The following SEZ6L2 variants were observed in gnomAD, a reference collection of about 807,000 sequenced individuals.
SEZ6L2 encodes seizure related 6 homolog like 2, also known as seizure 6-like protein 2.
A neutral mutation model predicts 97.0 loss-of-function variants in SEZ6L2; 44 were observed. The observed-to-expected ratio is 0.45, with a 90% CI of 0.36 to 0.58. The LOEUF (loss-of-function observed/expected upper bound fraction) is 0.58, where lower values mean the gene tolerates loss of function less well. SEZ6L2 is among the 20% of genes least tolerant of loss of function. The pLI, the probability that SEZ6L2 is intolerant of heterozygous loss-of-function variation, is 0.00. For missense variants in SEZ6L2, 1,086 were observed against 1,233.3 expected (o/e 0.88, Z 1.79); for synonymous variants, 543 against 546.1 (o/e 0.99, Z 0.08).
At position 29,895,759 on chromosome 16, in the gene SEZ6L2, TG is replaced by T; in HGVS notation, c.612del (p.Tyr204Ter). 2 of 1,614,156 alleles carry T rather than the reference TG, an allele frequency of 1.2e-6. No individual in the cohort carries two copies. The highest frequency in any genetic ancestry group is 1.7e-6 in the Non-Finnish European group (2 of 1,180,008). ...CCGTAGCCAGGGTAGACATGGATGCTGTAAGTGCAGTCCAGGAGCCCCAGGG... is the reference window on the plus strand; with the variant it reads ...CCGTAGCCAGGGTAGACATGGATGCTTAAGTGCAGTCCAGGAGCCCCAGGG... ...SRTLGLLDCT[Y>X]SIHVYPGYGI... is the part of the protein sequence containing the mutation. On this transcript the variant is annotated frameshift_variant, in exon 4 of 18. Coordinates refer to ENST00000617533, the MANE Select transcript of SEZ6L2 (RefSeq NM_001243332.2). LOFTEE classifies it high-confidence loss of function.
In SEZ6L2 at chr16:29,876,447, A is replaced by C. The variant is rs2067904783; in HGVS notation, c.2104+309T>G. Among the ~76,000 whole-genome samples the C allele has an allele frequency of 6.6e-6, 1 of 151,934 alleles. No individual in the cohort carries two copies. The highest frequency in any genetic ancestry group is 1.5e-5 in the Non-Finnish European group (1 of 67,980). ...TTTAGGGGCCAAACTCAGATGCCGC[A>C]GAGGAGGGGTCAGGAGGGGACGGGG... is the stretch of plus-strand genomic sequence containing the variant. On this transcript the variant is annotated intron_variant, in intron 12 of 17. Transcript: ENST00000617533. The surrounding 1 kb of genome is among the most constrained non-coding windows in gnomAD (Gnocchi z 6.5).
intron 9 of SEZ6L2, 64 bp from the exon 10 acceptor site, chr16:29,878,489 T>G (rs1377630039): frequency 6.8e-7 from 1 of 1,471,126 alleles, no homozygotes; most frequent in Non-Finnish European, 9.1e-7. Flanking sequence ...TTCTCCACAG[T>G]CCTCACCACT....
At chr16:29,883,344 T>C in intron 8 of SEZ6L2, among the ~76,000 whole-genome samples, 1 of 152,136 alleles carries the variant, frequency 6.6e-6, no homozygotes, top group Non-Finnish European at 1.5e-5. Context: ...TCTTGCTCTG[T>C]TGCCCAGGCT....
At chr16:29,883,267 C>T (rs769383593) in intron 8 of SEZ6L2, among the ~76,000 whole-genome samples, 12 of 151,828 alleles carry the variant, frequency 7.9e-5, no homozygotes, top group Non-Finnish European at 1.3e-4. Flanking sequence ...AGGCATTTCC[C>T]TACTTGCTGT....
At chr16:29,878,593 T>A (rs751971670) in intron 9 of SEZ6L2, among the ~76,000 whole-genome samples, 168 bp from the exon 10 acceptor site, 33 of 151,930 alleles carry the variant, frequency 2.2e-4, no homozygotes, top group Non-Finnish European at 5.9e-5. Context: ...TATTTATTTT[T>A]AAATTTTTTT....
chr16:29,898,085 C>A, intron 1 of SEZ6L2, 101 bp from the exon 2 acceptor site: 1 of 1,530,944 alleles, frequency 6.5e-7, no homozygotes, highest in Non-Finnish European at 8.8e-7. Flanking sequence ...ATCAGCTGGG[C>A]CTGCAGGGGC....
At chr16:29,897,628 TGAC>T (rs1220682123) in intron 2 of SEZ6L2, among the ~76,000 whole-genome samples, 3 of 62,546 alleles carry the variant, frequency 4.8e-5, no homozygotes, top group Non-Finnish European at 1.0e-4. Context: ...TTTTTCTGTC[TGAC>T]TGTCACCTAA....
At chr16:29,893,425 T>C (rs1467848669) in intron 5 of SEZ6L2, among the ~76,000 whole-genome samples, 2 of 151,884 alleles carry the variant, frequency 1.3e-5, no homozygotes, top group Non-Finnish European at 2.9e-5. Context: ...GGCGGGTGGA[T>C]CACTTGAGGT....
At chr16:29,885,776 A>G in intron 7 of SEZ6L2, 27 bp from the exon 8 acceptor site, 8 of 1,582,118 alleles carry the variant, frequency 5.1e-6, no homozygotes, top group Non-Finnish European at 6.9e-6. Flanking sequence ...CGTGACCAGG[A>G]GCTCAATCTC....
chr16:29,898,097 C>T (rs902774478), intron 1 of SEZ6L2, 113 bp from the exon 2 acceptor site: 1 of 1,477,990 alleles, frequency 6.8e-7, no homozygotes, highest in African/African-American at 1.4e-5. Flanking sequence ...TGCAGGGGCT[C>T]AGATGGTCCC....
intron 1 of SEZ6L2, among the ~76,000 whole-genome samples, chr16:29,898,451 C>CA: frequency 6.6e-6 from 1 of 152,030 alleles, no homozygotes; most frequent in African/African-American, 2.4e-5. Flanking sequence ...CTCTCTCCCC[C>CA]CCACCCTCTC....
At position 29,895,460 on chromosome 16, in the gene SEZ6L2, C is replaced by A. The variant is rs1156296383; in HGVS notation, c.652G>T (p.Val218Leu). Residue 218 changes from valine to leucine, a missense_variant and splice_region_variant, in exon 5 of 18, where the codon GTG becomes TTG. By Grantham distance (32) the Val-to-Leu change is conservative. Around this residue, in one of 2 missense-constraint regions of SEZ6L2, gnomAD observed 776 missense variants for 794.7 expected, o/e 0.98. Transcript: ENST00000617533. ...TCCTGTGACAGGTTCAGCGTCTGCA[C>A]CTAGAGAAGCCAGACACAGACCCGC... ...VYPGYGIEIQ[V>L]QTLNLSQEEE... The A allele has an allele frequency of 6.2e-7, 1 of 1,613,684 alleles. No homozygotes were observed. The highest frequency in any genetic ancestry group is 1.7e-5 in the Admixed American group (1 of 60,002).
chr16:29,892,890 A>G (rs1354135599), intron 5 of SEZ6L2, among the ~76,000 whole-genome samples: 1 of 151,622 alleles, frequency 6.6e-6, no homozygotes, highest in South Asian at 2.1e-4. Context: ...CACACAGGTA[A>G]GCATGGATGT....
At chr16:29,872,161 T>C (rs1348694547) in intron 17 of SEZ6L2, 26 bp downstream of exon 17, 2 of 1,543,322 alleles carry the variant, frequency 1.3e-6, no homozygotes, top group Non-Finnish European at 1.8e-6. Flanking sequence ...AAGTGGTGGC[T>C]CTTCAGGGGC....
At position 29,897,110 on chromosome 16, in the gene SEZ6L2, C is replaced by A. The variant is rs1430822596; in HGVS notation, c.223G>T (p.Asp75Tyr). 1.3e-6 allele frequency: 2 copies of A among 1,571,890 alleles called. No individual in the cohort carries two copies. The highest frequency in any genetic ancestry group is 1.3e-5 in the African/African-American group (1 of 74,584). The change falls in exon 3 of 18, where the codon GAC (aspartate) becomes TAC (tyrosine). Residue 75 changes from aspartate (D) to tyrosine (Y), a missense_variant. Transcript: ENST00000617533. ...EMGYLPGSDR[D>Y]PTLATPPAGQ... The stretch of plus-strand genomic sequence containing the variant: ...GCCGGAGGGGTGGCTAGCGTGGGGT[C>A]CCGATCAGATCCTGGGACAGTGCAG...
intron 17 of SEZ6L2, 43 bp from the exon 18 acceptor site, chr16:29,871,771 G>T (rs1272686397): frequency 6.3e-7 from 1 of 1,586,342 alleles, no homozygotes; most frequent in African/African-American, 1.3e-5. Flanking sequence ...GTCTGATAGG[G>T]GTGGAAGAGG....
intron 11 of SEZ6L2, 144 bp from the exon 12 acceptor site, chr16:29,877,094 G>A: frequency 9.3e-7 from 1 of 1,072,384 alleles, no homozygotes; most frequent in Non-Finnish European, 1.3e-6. Context: ...GCCCAGGCTG[G>A]AGTACAGTGG....
At position 29,878,399 on chromosome 16, in the gene SEZ6L2, G is replaced by A. The variant is rs760933259; in HGVS notation, c.1600C>T (p.Pro534Ser). ...KAMCGGELSE[P>S]AGVVLSPDWP... Reference sequence around the variant, plus strand: ...TCGGGAGAGAGGACCACGCCAGCTGGTTCCGACAGCTCCCCTCCACACATG... The same window carrying A: ...TCGGGAGAGAGGACCACGCCAGCTGATTCCGACAGCTCCCCTCCACACATG... The change falls in exon 10 of 18, where the codon CCA becomes TCA. Residue 534 changes from proline (P) to serine (S), a missense_variant. Coordinates refer to ENST00000617533, the MANE Select transcript of SEZ6L2 (RefSeq NM_001243332.2). The A allele has an allele frequency of 1.2e-6, 2 of 1,605,458 alleles. No homozygotes were observed. Among genetic ancestry groups the A allele is most frequent in the Admixed American group, 3.4e-5 (2 of 59,298 alleles).
rs1361532738 is a variant in SEZ6L2, at chr16:29,872,538, G to C, written c.2528-12C>G. On this transcript the variant is annotated splice_polypyrimidine_tract_variant and intron_variant, in intron 15 of 17. Transcript: ENST00000617533. The stretch of plus-strand genomic sequence containing the variant: ...TGTGGTCTGGGTCACTACAGGAGGA[G>C]GAGAGGCCGGTGAGCTGTGGCTGGG... 1.2e-6 allele frequency: 2 copies of C among 1,612,984 alleles called. No homozygotes were observed. The highest frequency in any genetic ancestry group is 1.7e-6 in the Non-Finnish European group (2 of 1,179,238).
Sources: allele counts gnomAD v4.1 joint callset (sites outside exome capture counted in the v4.1 genomes callset), GRCh38; gene constraint gnomAD v4.1.1; regional missense constraint gnomAD v4.1.1; non-coding constraint Gnocchi (gnomAD v3.1); transcripts MANE v1.5; gene names NCBI Gene and HGNC (gene_info 2026-07-23, HGNC 2026-07-21).